Variants in TBC1D8B observed in about 807,000 individuals in gnomAD.
TBC1D8B encodes the protein RP11-321G1.1.
In TBC1D8B, 75 loss-of-function variants were observed where a neutral mutation model predicts 82.9. The ratio of observed to expected loss-of-function variants is 0.90; its 90% confidence interval spans 0.75 to 1.10. TBC1D8B has a LOEUF of 1.10. Among genes scored for constraint, TBC1D8B ranks in the 50% least tolerant of loss-of-function variants. The pLI is 0.00. For synonymous variants in TBC1D8B, 276 were observed against 276.8 expected, an observed-to-expected ratio of 1.00 and a Z score of 0.03; for missense variants, 794 against 796.9, an observed-to-expected ratio of 1.00 and a Z score of 0.04.
intron 7 of TBC1D8B, chrX:106,829,030 A>G (rs1931945392): frequency 9.3e-6 from 1 of 107,547 alleles, no homozygotes; most frequent in Admixed American, 9.8e-5. Context: ...ACATGATTGT[A>G]TATCTAGAAA....
At position 106,874,070 on chromosome X, in the gene TBC1D8B, C is replaced by A; in HGVS notation, c.*105C>A. ...GGGATTTATCTTGTTACCAATGTGTCTGAAGGCCAAAATATATATCCAGAA... is the reference window on the plus strand; with the variant it reads ...GGGATTTATCTTGTTACCAATGTGTATGAAGGCCAAAATATATATCCAGAA... On this transcript the variant is annotated 3_prime_UTR_variant, in exon 21 of 21. Transcript: ENST00000357242. 1 of 832,240 alleles carries A rather than the reference C, an allele frequency of 1.2e-6. No individual in the cohort carries two copies. 68.6% of individuals were successfully genotyped at this position (832,240 alleles called of 1,213,427 possible).
intron 7 of TBC1D8B, among the ~76,000 whole-genome samples, chrX:106,832,458 C>G (rs5962758): frequency 0.062 from 6,821 of 110,403 alleles, 554 homozygotes; most frequent in African/African-American, 0.21. Context: ...GGTAATTTTT[C>G]AAAACTACTC....
chrX:106,836,787 CTTA>C (rs1246819441), intron 7 of TBC1D8B, among the ~76,000 whole-genome samples: 1 of 111,521 alleles, frequency 9.0e-6, no homozygotes, highest in African/African-American at 3.3e-5. Context: ...AATTTCAAAA[CTTA>C]TTATACAGCT....
At chrX:106,844,023 C>T (rs1932376391) in intron 10 of TBC1D8B, among the ~76,000 whole-genome samples, 2 of 110,999 alleles carry the variant, frequency 1.8e-5, no homozygotes, top group African/African-American at 6.5e-5. Flanking sequence ...TTGTTTGTTG[C>T]CAGCATATAG....
At chrX:106,841,184 C>G (rs1023426185) in intron 10 of TBC1D8B, among the ~76,000 whole-genome samples, 6 of 111,366 alleles carry the variant, frequency 5.4e-5, no homozygotes, top group African/African-American at 2.0e-4. Context: ...AGTATGTAGA[C>G]CAGGAGACAT....
intron 14 of TBC1D8B, among the ~76,000 whole-genome samples, chrX:106,862,779 T>TTG (rs1932786131): frequency 1.1e-5 from 1 of 92,498 alleles, no homozygotes; most frequent in Non-Finnish European, 2.1e-5. Flanking sequence ...TTTTTTTGTT[T>TTG]TTTTTTTTTT....
At position 106,823,169 on chromosome X, in the gene TBC1D8B, A is replaced by G. The variant is rs1457717851; in HGVS notation, c.587-57A>G. On this transcript the variant is annotated intron_variant, in intron 4 of 20. Transcript: ENST00000357242. ...ACTATTGTTTCAGAAGAACTGATTA[A>G]TAAACATAAATCACTATGAAAATTT... is the stretch of plus-strand genomic sequence containing the variant. 9.0e-6 allele frequency: 10 copies of G among 1,106,895 alleles called. No homozygotes were observed. In the African/African-American group the frequency reaches 1.3e-4, roughly 14 times the overall value. 91.2% of individuals were successfully genotyped at this position (1,106,895 alleles called of 1,213,427 possible).
In TBC1D8B at chrX:106,802,945, G is replaced by A; in HGVS notation, c.92G>A (p.Arg31His). 1 of 1,210,613 alleles carries A rather than the reference G, an allele frequency of 8.3e-7. No homozygotes were observed. Among genetic ancestry groups the A allele is most frequent in the Non-Finnish European group, 1.1e-6 (1 of 895,019 alleles). The change falls in exon 1 of 21, where the codon CGT (arginine) becomes CAT (histidine). Residue 31 changes from arginine to histidine, a missense_variant. Arg to His is a conservative substitution (Grantham distance 29). Transcript: ENST00000357242. ...AACGACTACTTCGTGCTGCAGCGGC[G>A]TCGGGGCTACGGGGAGGAAGGCGGA... ...RSNDYFVLQR[R>H]RGYGEEGGGG...
At chrX:106,827,483 A>G in intron 7 of TBC1D8B, 146 bp downstream of exon 7, 2 of 573,349 alleles carry the variant, frequency 3.5e-6, no homozygotes, top group South Asian at 7.0e-5. Flanking sequence ...TATATTGTCT[A>G]ACTCACATCC....
chrX:106,840,926 T>C, intron 10 of TBC1D8B, 42 bp downstream of exon 10: 1 of 1,106,443 alleles, frequency 9.0e-7, no homozygotes, highest in Non-Finnish European at 1.2e-6. Context: ...ATGTTCCAAA[T>C]AAAATCACAT....
At position 106,865,905 on chromosome X, in the gene TBC1D8B, C is replaced by T; in HGVS notation, c.2534C>T (p.Ala845Val). The change falls in exon 16 of 21, where the codon GCG becomes GTG. Residue 845 changes from alanine to valine, a missense_variant. Ala to Val is a moderately conservative substitution (Grantham distance 64). Transcript: ENST00000357242. Reference sequence around the variant, plus strand: ...CAGATTGACTGCCAGCAGTTCAGAGCGTTGTATCACTTGTTGAGTCCCTGG... The same window carrying T: ...CAGATTGACTGCCAGCAGTTCAGAGTGTTGTATCACTTGTTGAGTCCCTGG... ...QYQIDCQQFR[A>V]LYHLLSPWAH... 4.1e-6 allele frequency: 5 copies of T among 1,211,111 alleles called. 1 individual carries two copies. The highest frequency in any genetic ancestry group is 3.5e-5 in the South Asian group (2 of 56,928).
intron 1 of TBC1D8B, among the ~76,000 whole-genome samples, chrX:106,816,320 G>T (rs952648511): frequency 1.8e-5 from 2 of 111,459 alleles, no homozygotes; most frequent in Non-Finnish European, 3.8e-5. Context: ...GCTTCAAAGA[G>T]AATAAAATGC....
At chrX:106,846,588 T>C (rs1375376155) in intron 10 of TBC1D8B, among the ~76,000 whole-genome samples, 2 of 111,791 alleles carry the variant, frequency 1.8e-5, no homozygotes, top group African/African-American at 6.5e-5. Context: ...CCGATGACTT[T>C]TGTCAGTGTT....
chrX:106,869,375 T>G (rs1438062558), intron 18 of TBC1D8B, 110 bp from the exon 19 acceptor site: 1 of 581,570 alleles, frequency 1.7e-6, no homozygotes, highest in African/African-American at 2.3e-5. Context: ...AAAATTTGTT[T>G]GCAGAATTGA....
intron 1 of TBC1D8B, among the ~76,000 whole-genome samples, chrX:106,805,354 G>A (rs909214244): frequency 1.8e-5 from 2 of 109,589 alleles, no homozygotes; most frequent in African/African-American, 6.7e-5. Context: ...AAAGGACTGG[G>A]ATTGGGATTA....
In TBC1D8B at chrX:106,850,037, A is replaced by C; in HGVS notation, c.1850A>C (p.Asp617Ala). The C allele has an allele frequency of 8.4e-7, 1 of 1,197,553 alleles. No homozygotes were observed. Among genetic ancestry groups the C allele is most frequent in the Non-Finnish European group, 1.1e-6 (1 of 889,247 alleles). ...TGATATTCTGTAGGTGCCTTGGTGGATCAGGCAGTCTTTGAAGAACTTATC... is the reference window on the plus strand; with the variant it reads ...TGATATTCTGTAGGTGCCTTGGTGGCTCAGGCAGTCTTTGAAGAACTTATC... ...FNRRIIGALV[D>A]QAVFEELIRD... is the part of the protein sequence containing the mutation. Residue 617 changes from aspartate (D) to alanine (A), a missense_variant, in exon 12 of 21, where the codon GAT becomes GCT. Physicochemically the swap from Asp to Ala is moderately radical, Grantham distance 126. Coordinates refer to ENST00000357242, the MANE Select transcript of TBC1D8B (RefSeq NM_017752.3).
chrX:106,852,512 T>C (rs1340868761), intron 12 of TBC1D8B, among the ~76,000 whole-genome samples: 1 of 111,744 alleles, frequency 8.9e-6, no homozygotes, highest in African/African-American at 3.3e-5. Context: ...CTGAATGGTA[T>C]TGCCTAGGTT....
At chrX:106,829,189 C>T (rs1247689854) in intron 7 of TBC1D8B, 4 of 107,120 alleles carry the variant, frequency 3.7e-5, no homozygotes, top group Non-Finnish European at 1.9e-5. Flanking sequence ...AACTCCCATT[C>T]ACAATTGCTT....
chrX:106,813,064 G>C (rs1360717475), intron 1 of TBC1D8B, among the ~76,000 whole-genome samples: 2 of 111,344 alleles, frequency 1.8e-5, no homozygotes, highest in Non-Finnish European at 3.8e-5. Flanking sequence ...CACCATATTG[G>C]TCAGGCTGGT....
Sources: gnomAD v4.1 joint callset for allele counts (sites outside exome capture counted in the v4.1 genomes callset) on GRCh38, gnomAD v4.1.1 for gene constraint, MANE v1.5 for transcripts, NCBI Gene and HGNC (gene_info 2026-07-23, HGNC 2026-07-21) for gene names.